NELL1: variants seen among roughly 807,000 people sequenced by gnomAD.
NELL1 encodes neural EGFL like 1.
In NELL1, 76 loss-of-function variants were observed where a neutral mutation model predicts 107.4. That is an observed-to-expected ratio of 0.71 (90% CI 0.59 to 0.86). The LOEUF (loss-of-function observed/expected upper bound fraction) is 0.86, where lower values mean the gene tolerates loss of function less well. NELL1 is among the 40% of genes least tolerant of loss of function. The probability of loss-of-function intolerance (pLI) is 0.00; values close to 1 mark genes in which losing one functional copy is unlikely to be tolerated. For missense variants in NELL1, 1,024 were observed against 1,005.5 expected, an observed-to-expected ratio of 1.02 and a Z score of -0.25; for synonymous variants, 353 against 341.2, an observed-to-expected ratio of 1.03 and a Z score of -0.38.
rs1199157497 is a variant in NELL1 at position 20,937,827 on chromosome 11, C to A, written c.1039C>A (p.Arg347=). 2.5e-6 allele frequency: 4 copies of A among 1,613,988 alleles called. No homozygotes were observed. The highest frequency in any genetic ancestry group is 1.3e-5 in the African/African-American group (1 of 75,020). ...AGGAAAAGTTCTTGCAGAAGGCCAG[C>A]GGATTTTAACCAAGAGCTGTCGGGA... ...YGGKVLAEGQ[R]ILTKSCRECR... The change falls in exon 10 of 20, where the codon CGG becomes AGG. Residue 347 remains arginine, a synonymous_variant. Coordinates refer to ENST00000357134, the MANE Select transcript of NELL1 (RefSeq NM_006157.5).
In NELL1 at chr11:20,973,698, C is replaced by T. The variant is rs546907603; in HGVS notation, c.1300+13138C>T. Among the ~76,000 whole-genome samples, 8 of 152,304 alleles carry T rather than the reference C, an allele frequency of 5.3e-5. No individual in the cohort carries two copies. The South Asian group carries it at 1.7e-3, about 32-fold the overall frequency. Reference sequence around the variant, plus strand: ...AAATGTGTTCCAGTTACAGCTTGCACATCTTTATAAGAAACCTCGTGTCCT... The same window carrying T: ...AAATGTGTTCCAGTTACAGCTTGCATATCTTTATAAGAAACCTCGTGTCCT... On this transcript the variant is annotated intron_variant, in intron 12 of 19. Transcript: ENST00000357134.
At chr11:20,912,176 C>T (rs769506374) in intron 5 of NELL1, among the ~76,000 whole-genome samples, 40 of 152,052 alleles carry the variant, frequency 2.6e-4, no homozygotes, top group Non-Finnish European at 4.7e-4. Flanking sequence ...TTTCTGGACC[C>T]TGGTGGATCC....
intron 14 of NELL1, among the ~76,000 whole-genome samples, chr11:21,305,729 A>C (rs2133633337): frequency 6.6e-6 from 1 of 152,014 alleles, no homozygotes; most frequent in Non-Finnish European, 1.5e-5. Flanking sequence ...GACAGTATAG[A>C]TTCTATATAT....
chr11:20,706,629 C>G (rs1388260542), intron 2 of NELL1, among the ~76,000 whole-genome samples: 2 of 151,850 alleles, frequency 1.3e-5, no homozygotes, highest in Non-Finnish European at 2.9e-5. Context: ...ATGTAACAAA[C>G]CTGCACGTTG....
rs118112116 is a variant in NELL1 at position 20,914,454 on chromosome 11, T to G, written c.604-3728T>G. On this transcript the variant is annotated intron_variant, in intron 5 of 19. Transcript: ENST00000357134. ...TCAGTAGTAAAGAATGTCTGGGTTC[T>G]GATAAGGGGTTGTGGAGAAGAAGCT... Among the ~76,000 whole-genome samples, 149 of 152,242 alleles carry G rather than the reference T, an allele frequency of 9.8e-4. 3 individuals carry two copies. In the East Asian group the frequency reaches 0.016, roughly 16 times the overall value.
In NELL1 at chr11:21,172,263, C is replaced by T. The variant is rs76866701; in HGVS notation, c.1427-57069C>T. ...TACTAGTAATTCTGCAGGACAAAAC[C>T]ACATCAGTAGACCAAGGAATTGCTA... On this transcript the variant is annotated intron_variant, in intron 13 of 19. Coordinates refer to ENST00000357134, the MANE Select transcript of NELL1 (RefSeq NM_006157.5). Among the ~76,000 whole-genome samples the T allele has an allele frequency of 7.6e-3, 1,155 of 151,904 alleles. 45 individuals carry two copies. The highest frequency in any genetic ancestry group is 0.027 in the African/African-American group (1,099 of 41,214).
chr11:21,294,770 C>A (rs1849340421), intron 14 of NELL1, among the ~76,000 whole-genome samples: 1 of 151,960 alleles, frequency 6.6e-6, no homozygotes, highest in South Asian at 2.1e-4. Context: ...TTTAAATGGT[C>A]ATGAGTGTTT....
intron 13 of NELL1, among the ~76,000 whole-genome samples, chr11:21,203,910 G>A (rs1229475957): frequency 2.6e-5 from 4 of 152,048 alleles, no homozygotes; most frequent in Non-Finnish European, 5.9e-5. Context: ...TTGAAAATTT[G>A]TTTCTCTAAG....
intron 14 of NELL1, among the ~76,000 whole-genome samples, chr11:21,327,731 G>A (rs1850177893): frequency 6.6e-6 from 1 of 152,124 alleles, no homozygotes; most frequent in Admixed American, 6.5e-5. Context: ...GAGACTTCTT[G>A]AATGGCTTTG....
intron 12 of NELL1, among the ~76,000 whole-genome samples, chr11:20,991,214 C>T (rs1851964555): frequency 6.6e-6 from 1 of 152,184 alleles, no homozygotes; most frequent in African/African-American, 2.4e-5. Flanking sequence ...TTATTCCTGC[C>T]TCTGACACCA....
intron 12 of NELL1, among the ~76,000 whole-genome samples, chr11:21,049,076 G>A (rs1420228212): frequency 6.6e-6 from 1 of 152,154 alleles, no homozygotes; most frequent in Admixed American, 6.5e-5. Context: ...CTCTGATGCT[G>A]GTATGGCTCA....
At chr11:20,840,335 T>A (rs769358649) in intron 3 of NELL1, among the ~76,000 whole-genome samples, 1 of 152,174 alleles carries the variant, frequency 6.6e-6, no homozygotes, top group Non-Finnish European at 1.5e-5. Flanking sequence ...CCAGTTTCTA[T>A]TGATGTATAA....
chr11:20,726,710 T>C (rs796699379), intron 2 of NELL1, among the ~76,000 whole-genome samples: 2 of 152,174 alleles, frequency 1.3e-5, no homozygotes, highest in African/African-American at 4.8e-5. Flanking sequence ...ACTCATCATT[T>C]ACATTAGGTA....
intron 15 of NELL1, among the ~76,000 whole-genome samples, chr11:21,433,224 C>T (rs1853013502): frequency 6.6e-6 from 1 of 152,066 alleles, no homozygotes. Flanking sequence ...ATTGTTATGG[C>T]TAAATAGTAT....
intron 4 of NELL1, among the ~76,000 whole-genome samples, chr11:20,863,535 A>G (rs930819152): frequency 4.8e-5 from 7 of 144,658 alleles, no homozygotes; most frequent in Non-Finnish European, 9.1e-5. Flanking sequence ...GGTGCTCCTC[A>G]CATCCCAGAC....
At chr11:21,344,110 C>G (rs1053763501) in intron 14 of NELL1, among the ~76,000 whole-genome samples, 5 of 152,218 alleles carry the variant, frequency 3.3e-5, no homozygotes, top group Non-Finnish European at 7.3e-5. Flanking sequence ...CGCATTCTGT[C>G]TGAGCATCTA....
chr11:21,279,701 C>G (rs1848948749), intron 14 of NELL1, among the ~76,000 whole-genome samples: 1 of 152,146 alleles, frequency 6.6e-6, no homozygotes, highest in African/African-American at 2.4e-5. Context: ...TGCGATACAG[C>G]AATTGTGCTT....
intron 12 of NELL1, among the ~76,000 whole-genome samples, chr11:20,977,840 A>T (rs565325244): frequency 6.6e-6 from 1 of 152,140 alleles, no homozygotes. Context: ...TTATCAGTAC[A>T]ACTTCTATGT....
chr11:20,841,103 TA>T (rs1428640570), intron 3 of NELL1, among the ~76,000 whole-genome samples: 1 of 152,028 alleles, frequency 6.6e-6, no homozygotes, highest in Non-Finnish European at 1.5e-5. Flanking sequence ...AGTAAAAGTT[TA>T]TTTTTGTTTA....
Sources: allele counts gnomAD v4.1 joint callset (sites outside exome capture counted in the v4.1 genomes callset), GRCh38; gene constraint gnomAD v4.1.1; transcripts MANE v1.5; gene names NCBI Gene and HGNC (gene_info 2026-07-23, HGNC 2026-07-21).